Variants in CENPF observed in about 807,000 individuals in gnomAD.
CENPF encodes AH antigen.
Under a neutral mutation model 307.3 loss-of-function variants are expected in CENPF, and 214 were observed. That is an observed-to-expected ratio of 0.70 (90% CI 0.62 to 0.78). The LOEUF (loss-of-function observed/expected upper bound fraction) is 0.78, where lower values mean the gene tolerates loss of function less well. Ranked by LOEUF, CENPF falls within the 30% of genes least tolerant of loss-of-function variation. CENPF has a pLI of 0.00. For synonymous variants in CENPF, 1,259 were observed against 1,270.6 expected, an observed-to-expected ratio of 0.99 and a Z score of 0.19; for missense variants, 3,401 against 3,483.9, an observed-to-expected ratio of 0.98 and a Z score of 0.60.
At chr1:214,610,852 A>G (rs1657178227) in intron 1 of CENPF, among the ~76,000 whole-genome samples, 1 of 152,082 alleles carries the variant, frequency 6.6e-6, no homozygotes, top group Admixed American at 6.6e-5. Context: ...TCTTGAATTA[A>G]TTTTTGTATA....
chr1:214,649,155 C>T (rs1266569505), intron 14 of CENPF, among the ~76,000 whole-genome samples: 1 of 152,170 alleles, frequency 6.6e-6, no homozygotes, highest in African/African-American at 2.4e-5. Flanking sequence ...TTATCTGCCT[C>T]CCTAGCTTGC....
rs1359136353 is a variant in CENPF at position 214,645,710 on chromosome 1, T to C, written c.6140T>C (p.Leu2047Pro). Reference protein sequence around the residue: ...LQSLEKDSQALSLTKCELENQ... With the variant: ...LQSLEKDSQAPSLTKCELENQ... ...AGTTTGGAAAAGGACTCACAGGCACTGTCTTTGACAAAATGTGAGCTGGAA... is the reference window on the plus strand; with the variant it reads ...AGTTTGGAAAAGGACTCACAGGCACCGTCTTTGACAAAATGTGAGCTGGAA... The change falls in exon 13 of 20, where the codon CTG (leucine) becomes CCG (proline). Residue 2047 changes from leucine to proline, a missense_variant. Transcript: ENST00000366955. The C allele has an allele frequency of 3.1e-6, 5 of 1,614,094 alleles. No individual in the cohort carries two copies. Among genetic ancestry groups the C allele is most frequent in the Non-Finnish European group, 4.2e-6 (5 of 1,180,042 alleles).
chr1:214,608,828 A>G, intron 1 of CENPF: 1 of 1,593,868 alleles, frequency 6.3e-7, no homozygotes, highest in Non-Finnish European at 8.5e-7. Context: ...TCACTCAGCG[A>G]CAGCCCGTTC....
intron 16 of CENPF, 109 bp downstream of exon 16, chr1:214,653,098 G>T (rs763931341): frequency 7.4e-5 from 83 of 1,118,956 alleles, no homozygotes; most frequent in Non-Finnish European, 1.1e-4. Flanking sequence ...AAAATTTTTG[G>T]TAGTCAAAAA....
chr1:214,623,516 A>G (rs1379081647), intron 7 of CENPF, among the ~76,000 whole-genome samples: 4 of 151,990 alleles, frequency 2.6e-5, no homozygotes, highest in Non-Finnish European at 5.9e-5. Context: ...TAAGACTCCA[A>G]CGGAGGCCAA....
chr1:214,650,606 A>C (rs548191274), intron 14 of CENPF, among the ~76,000 whole-genome samples: 1 of 152,294 alleles, frequency 6.6e-6, no homozygotes, highest in East Asian at 1.9e-4. Flanking sequence ...GGAATGTCTC[A>C]AGAAGGAGGG....
Position 214,645,500 on chromosome 1 carries a change from T to C in CENPF, c.5930T>C (p.Leu1977Pro). Residue 1977 changes from leucine to proline, a missense_variant, in exon 13 of 20, where the codon CTG becomes CCG. Transcript: ENST00000366955. ...ACTATGTCAAAAAAAACCACGGCACTGGATCAGTTGTCTGAAAAAATGAAG... is the reference window on the plus strand; with the variant it reads ...ACTATGTCAAAAAAAACCACGGCACCGGATCAGTTGTCTGAAAAAATGAAG... ...LDTMSKKTTA[L>P]DQLSEKMKEK... is the part of the protein sequence containing the mutation. The C allele has an allele frequency of 1.2e-6, 2 of 1,614,040 alleles. No individual in the cohort carries two copies. Among genetic ancestry groups the C allele is most frequent in the South Asian group, 1.1e-5 (1 of 91,070 alleles).
chr1:214,645,729 G>C lies in CENPF; in HGVS notation c.6159G>C (p.Glu2053Asp). ...DSQALSLTKC[E>D]LENQIAQLNK... ...AGGCACTGTCTTTGACAAAATGTGA[G>C]CTGGAAAACCAAATTGCACAACTGA... The change falls in exon 13 of 20, where the codon GAG (glutamate) becomes GAC (aspartate). Residue 2053 changes from glutamate (E) to aspartate (D), a missense_variant. Glu to Asp is a conservative substitution (Grantham distance 45, BLOSUM62 2). Coordinates refer to ENST00000366955, the MANE Select transcript of CENPF (RefSeq NM_016343.4). 1 of 1,614,186 alleles carries C rather than the reference G, an allele frequency of 6.2e-7. No homozygotes were observed. The highest frequency in any genetic ancestry group is 8.5e-7 in the Non-Finnish European group (1 of 1,180,038).
intron 14 of CENPF, among the ~76,000 whole-genome samples, chr1:214,650,177 T>C (rs1390808501): frequency 1.3e-5 from 2 of 152,048 alleles, no homozygotes; most frequent in Non-Finnish European, 2.9e-5. Context: ...AGATGACGAG[T>C]CAGCTATGCA....
rs1558185279 is a variant in CENPF at position 214,644,711 on chromosome 1, CA to C, written c.5142del (p.Val1715Ter). 1.4e-5 allele frequency: 23 copies of C among 1,613,808 alleles called. No individual in the cohort carries two copies. Among genetic ancestry groups the C allele is most frequent in the Non-Finnish European group, 1.9e-5 (22 of 1,179,922 alleles). On this transcript the variant is annotated frameshift_variant, in exon 13 of 20. Transcript: ENST00000366955. LOFTEE classifies it high-confidence loss of function. ...ATTGAGAAAATAACTGAGACTGGTG[CA>C]GTGAAACCCACAGGAGAGTGCTCTG... ...LDIEKITETG[A>X]VKPTGECSGE...
intron 11 of CENPF, 25 bp downstream of exon 11, chr1:214,638,026 T>A (rs754201935): frequency 6.3e-7 from 1 of 1,594,032 alleles, no homozygotes; most frequent in African/African-American, 1.4e-5. Flanking sequence ...TATTTTAGAG[T>A]TACCTTTCTA....
chr1:214,630,386 T>C, intron 8 of CENPF, 148 bp from the exon 9 acceptor site: 1 of 921,420 alleles, frequency 1.1e-6, no homozygotes, highest in Non-Finnish European at 1.6e-6. Context: ...CAAGGCTGAC[T>C]ATGTTCATCG....
intron 10 of CENPF, 84 bp from the exon 11 acceptor site, chr1:214,637,782 C>A: frequency 7.3e-7 from 1 of 1,370,676 alleles, no homozygotes; most frequent in Non-Finnish European, 9.9e-7. Context: ...ACAAACAGTT[C>A]TGCTAGGGAC....
intron 1 of CENPF, among the ~76,000 whole-genome samples, chr1:214,611,482 C>T (rs953096473): frequency 2.0e-5 from 3 of 152,138 alleles, no homozygotes; most frequent in Non-Finnish European, 4.4e-5. Flanking sequence ...TCTCCTGTCT[C>T]AGCCTCCTGA....
At chr1:214,625,542 G>T (rs1263781456) in intron 7 of CENPF, among the ~76,000 whole-genome samples, 1 of 151,790 alleles carries the variant, frequency 6.6e-6, no homozygotes, top group Non-Finnish European at 1.5e-5. Flanking sequence ...TCTTTTAATG[G>T]GTATATTTAG....
Position 214,644,999 on chromosome 1 carries a change from A to AACTCCATTT in CENPF, c.5432_5440dup (p.Leu1811_Leu1813dup), listed in dbSNP as rs760016589. Reference sequence around the variant, plus strand: ...AATGAAATGAAAGAATTAGACTCAAAACTCCATTTACAGGAGGTACAACTA... The same window carrying AACTCCATTT: ...AATGAAATGAAAGAATTAGACTCAAAACTCCATTTACTCCATTTACAGGAGGTACAACTA... On this transcript the variant is annotated inframe_insertion, in exon 13 of 20. Transcript: ENST00000366955. The AACTCCATTT allele has an allele frequency of 5.0e-6, 8 of 1,613,524 alleles. No homozygotes were observed. The South Asian group carries it at 8.8e-5, about 18-fold the overall frequency.
chr1:214,641,170 A>G lies in CENPF; in HGVS notation c.2832A>G (p.Leu944=), dbSNP rs1658101251. The change falls in exon 12 of 20, where the codon CTA becomes CTG. Residue 944 remains leucine, a synonymous_variant. Coordinates refer to ENST00000366955, the MANE Select transcript of CENPF (RefSeq NM_016343.4). ...TACTTGAAGACTCTCTAAAGGAGCT[A>G]CAACTTTTATCCGAAACCCTAAGCT... The part of the protein sequence containing the change: ...NHLLEDSLKE[L]QLLSETLSLE... The G allele has an allele frequency of 1.2e-6, 2 of 1,603,856 alleles. No individual in the cohort carries two copies. The highest frequency in any genetic ancestry group is 1.3e-5 in the African/African-American group (1 of 74,134).
intron 1 of CENPF, among the ~76,000 whole-genome samples, chr1:214,610,320 A>G (rs1657164810): frequency 6.6e-6 from 1 of 152,154 alleles, no homozygotes; most frequent in Middle Eastern, 3.2e-3. Flanking sequence ...AAAGTGTATA[A>G]GTGTTCCCTT....
intron 14 of CENPF, among the ~76,000 whole-genome samples, chr1:214,649,103 T>C (rs1658394127): frequency 6.6e-6 from 1 of 152,186 alleles, no homozygotes; most frequent in African/African-American, 2.4e-5. Context: ...TGGACCACAT[T>C]AACGCACAAC....
Sources: gnomAD v4.1 joint callset for allele counts (sites outside exome capture counted in the v4.1 genomes callset) on GRCh38, gnomAD v4.1.1 for gene constraint, MANE v1.5 for transcripts, NCBI Gene and HGNC (gene_info 2026-07-23, HGNC 2026-07-21) for gene names.